ADAMDEC1: variants seen among roughly 807,000 people sequenced by gnomAD.
The protein encoded by ADAMDEC1 is ADAM like decysin 1, also known as ADAM DEC1.
A neutral mutation model predicts 60.4 loss-of-function variants in ADAMDEC1; 62 were observed. The ratio of observed to expected loss-of-function variants is 1.03; its 90% CI spans 0.84 to 1.27. The LOEUF is 1.27. Among genes scored for constraint, ADAMDEC1 ranks in the 50% most tolerant of loss-of-function variants. ADAMDEC1 has a pLI of 0.00. For missense variants in ADAMDEC1, 595 were observed against 565.0 expected, an observed-to-expected ratio of 1.05 and a Z score of -0.54; for synonymous variants, 210 against 195.1, an observed-to-expected ratio of 1.08 and a Z score of -0.64.
intron 1 of ADAMDEC1, among the ~76,000 whole-genome samples, chr8:24,388,690 C>T (rs1396362456): frequency 6.6e-6 from 1 of 152,134 alleles, no homozygotes; most frequent in Non-Finnish European, 1.5e-5. Flanking sequence ...GCTTTAAGTA[C>T]CATCCACAAG....
Position 24,384,432 on chromosome 8 carries a change from TTTAA to T in ADAMDEC1, c.-70_-67del, listed in dbSNP as rs1817241234. 1 of 1,279,282 alleles carries T rather than the reference TTTAA, an allele frequency of 7.8e-7. No individual in the cohort carries two copies. The highest frequency in any genetic ancestry group is 1.5e-5 in the South Asian group (1 of 68,464). The allele number at this position is 1,279,282 out of a possible 1,614,324, so 79.2% of individuals were successfully genotyped here. ...CCAATCTCACACGAAAAGTGGGGGT[TTTAA>T]TTTTCTTGTTCAACTTCTAAAGAGA... On this transcript the variant is annotated 5_prime_UTR_variant, in exon 1 of 14. It introduces an in-frame stop codon into an upstream open reading frame of the 5' UTR. Transcript: ENST00000256412.
At chr8:24,397,789 T>C in intron 7 of ADAMDEC1, 44 bp downstream of exon 7, 4 of 1,565,172 alleles carry the variant, frequency 2.6e-6, no homozygotes, top group Non-Finnish European at 3.5e-6. Context: ...TCAGTCACCC[T>C]TTAAGTTTAC....
intron 1 of ADAMDEC1, among the ~76,000 whole-genome samples, chr8:24,391,535 T>C (rs1251328296): frequency 6.6e-6 from 1 of 152,156 alleles, no homozygotes; most frequent in Non-Finnish European, 1.5e-5. Context: ...TTGTAAACAA[T>C]GAAAATCTGT....
intron 1 of ADAMDEC1, 110 bp downstream of exon 1, chr8:24,384,702 C>A: frequency 1.0e-6 from 1 of 975,812 alleles, no homozygotes; most frequent in Non-Finnish European, 1.5e-6. Context: ...AAGACCATTA[C>A]CATTTGCATT....
At chr8:24,385,847 T>C (rs963877610) in intron 1 of ADAMDEC1, among the ~76,000 whole-genome samples, 1 of 152,140 alleles carries the variant, frequency 6.6e-6, no homozygotes, top group Non-Finnish European at 1.5e-5. Flanking sequence ...AAACATTAAT[T>C]GACCAACTGA....
chr8:24,393,394 C>A, intron 3 of ADAMDEC1, 56 bp downstream of exon 3: 1 of 1,275,356 alleles, frequency 7.8e-7, no homozygotes, highest in Non-Finnish European at 1.1e-6. Context: ...AATTGGGGAG[C>A]AATCTTTTTG....
intron 3 of ADAMDEC1, among the ~76,000 whole-genome samples, chr8:24,393,654 C>A (rs893228208): frequency 6.6e-6 from 1 of 152,118 alleles, no homozygotes; most frequent in African/African-American, 2.4e-5. Flanking sequence ...AAGGCTGATT[C>A]AAAATGCATG....
Position 24,401,380 on chromosome 8 carries a change from A to G in ADAMDEC1, c.1143-535A>G, listed in dbSNP as rs76960779. Among the ~76,000 whole-genome samples, 575 of 152,312 alleles carry G rather than the reference A, an allele frequency of 3.8e-3. 4 individuals are homozygous for G. The highest frequency in any genetic ancestry group is 0.013 in the African/African-American group (552 of 41,580). On this transcript the variant is annotated intron_variant, in intron 11 of 13. Coordinates refer to ENST00000256412, the MANE Select transcript of ADAMDEC1 (RefSeq NM_014479.3). ...CTTATATTCCCATCATCAATCAACCAATCAATCTGTTTTTGCATATTTATG... is the reference window on the plus strand; with the variant it reads ...CTTATATTCCCATCATCAATCAACCGATCAATCTGTTTTTGCATATTTATG...
At chr8:24,385,500 T>G (rs560770297) in intron 1 of ADAMDEC1, among the ~76,000 whole-genome samples, 2 of 152,340 alleles carry the variant, frequency 1.3e-5, no homozygotes, top group South Asian at 4.1e-4. Context: ...CAAATTCAAT[T>G]ATTTGATCCA....
intron 7 of ADAMDEC1, 83 bp from the exon 8 acceptor site, chr8:24,398,396 TC>T (rs1817670614): frequency 2.5e-6 from 2 of 793,868 alleles, no homozygotes; most frequent in Admixed American, 5.3e-5. Flanking sequence ...TCATAATTTT[TC>T]TTAAAATGTG....
intron 1 of ADAMDEC1, 106 bp from the exon 2 acceptor site, chr8:24,392,156 A>G (rs1478096703): frequency 1.7e-5 from 12 of 714,190 alleles, no homozygotes; most frequent in African/African-American, 3.6e-5. Flanking sequence ...ATAGGAATGT[A>G]GTCTTCACTG....
At chr8:24,398,776 G>A (rs1817680901) in intron 8 of ADAMDEC1, 98 bp from the exon 9 acceptor site, 3 of 1,278,140 alleles carry the variant, frequency 2.3e-6, no homozygotes, top group African/African-American at 1.5e-5. Flanking sequence ...TTCATTACTT[G>A]TAGTCCATCA....
At chr8:24,392,421 C>T (rs750502025) in intron 2 of ADAMDEC1, 41 bp downstream of exon 2, 3 of 1,426,654 alleles carry the variant, frequency 2.1e-6, no homozygotes, top group African/African-American at 1.4e-5. Flanking sequence ...TACAATCATC[C>T]AAAGAGACAA....
chr8:24,392,885 GGTTTTTTTT>G (rs1345165089), intron 2 of ADAMDEC1, among the ~76,000 whole-genome samples: 1 of 85,942 alleles, frequency 1.2e-5, no homozygotes, highest in African/African-American at 3.4e-5. Flanking sequence ...TGGGTTGAGA[GGTTTTTTTT>G]TTTTTTTTTT....
chr8:24,394,869 C>A (rs1300538418), intron 4 of ADAMDEC1, among the ~76,000 whole-genome samples: 4 of 152,144 alleles, frequency 2.6e-5, no homozygotes, highest in Non-Finnish European at 5.9e-5. Flanking sequence ...AATTTATGCT[C>A]AATTGTTAAT....
In ADAMDEC1 at chr8:24,384,541, A is replaced by G. The variant is rs1278044056; in HGVS notation, c.37A>G (p.Thr13Ala). The change falls in exon 1 of 14, where the codon ACC (threonine) becomes GCC (alanine). Residue 13 changes from threonine to alanine, a missense_variant. Thr to Ala is a moderately conservative substitution (Grantham distance 58). Coordinates refer to ENST00000256412, the MANE Select transcript of ADAMDEC1 (RefSeq NM_014479.3). Reference sequence around the variant, plus strand: ...GATCTCCCAGCTACCTGCAGTGGCCACCATGTCTTGGGTCCTGCTGCCTGT... The same window carrying G: ...GATCTCCCAGCTACCTGCAGTGGCCGCCATGTCTTGGGTCCTGCTGCCTGT... ...RGISQLPAVATMSWVLLPVLW... is the reference protein window; with the variant it reads ...RGISQLPAVAAMSWVLLPVLW... The G allele has an allele frequency of 2.4e-5, 39 of 1,610,846 alleles. No individual in the cohort carries two copies. Among genetic ancestry groups the G allele is most frequent in the Non-Finnish European group, 3.2e-5 (38 of 1,178,542 alleles).
chr8:24,391,546 C>T (rs555997713), intron 1 of ADAMDEC1, among the ~76,000 whole-genome samples: 10 of 152,198 alleles, frequency 6.6e-5, no homozygotes, highest in Non-Finnish European at 1.2e-4. Flanking sequence ...GAAAATCTGT[C>T]TATGCAATGT....
chr8:24,397,881 C>A, intron 7 of ADAMDEC1, 136 bp downstream of exon 7: 2 of 727,670 alleles, frequency 2.7e-6, no homozygotes, highest in Non-Finnish European at 4.5e-6. Flanking sequence ...TGTTTACATG[C>A]CTTGCCAGCA....
intron 13 of ADAMDEC1, 89 bp downstream of exon 13, chr8:24,404,177 C>T (rs1316483250): frequency 9.2e-7 from 1 of 1,083,584 alleles, no homozygotes; most frequent in Non-Finnish European, 1.4e-6. Context: ...CCATAATACA[C>T]TAAAACACAA....
Sources: gnomAD v4.1 joint callset for allele counts (sites outside exome capture counted in the v4.1 genomes callset) on GRCh38, gnomAD v4.1.1 for gene constraint, MANE v1.5 for transcripts, NCBI Gene and HGNC (gene_info 2026-07-23, HGNC 2026-07-21) for gene names.